LEPR: variants seen among roughly 807,000 people sequenced by gnomAD.
LEPR encodes leptin receptor, also known as OB receptor.
In LEPR, 56 loss-of-function variants were observed where a neutral mutation model predicts 114.7. The observed-to-expected ratio is 0.49, with a 90% CI of 0.39 to 0.61. The LOEUF is 0.61. LEPR is among the 20% of genes least tolerant of loss of function. The pLI is 0.00. For missense variants in LEPR, 1,202 were observed against 1,352.9 expected (o/e 0.89, Z 1.75); for synonymous variants, 443 against 461.4 (o/e 0.96, Z 0.51).
intron 2 of LEPR, among the ~76,000 whole-genome samples, chr1:65,546,700 G>A (rs1376204394): frequency 6.6e-6 from 1 of 152,216 alleles, no homozygotes; most frequent in Non-Finnish European, 1.5e-5. Context: ...AGCTTAAGGA[G>A]ATTTTGGGCT....
chr1:65,605,976 AT>A (rs1358932018), intron 11 of LEPR, among the ~76,000 whole-genome samples: 1 of 152,106 alleles, frequency 6.6e-6, no homozygotes, highest in African/African-American at 2.4e-5. Flanking sequence ...TTTTCAGTGA[AT>A]TTTCCCCTCA....
chr1:65,582,177 A>C (rs1240961228), intron 5 of LEPR, among the ~76,000 whole-genome samples: 1 of 152,194 alleles, frequency 6.6e-6, no homozygotes, highest in African/African-American at 2.4e-5. Context: ...AATTAACCCA[A>C]AACTTAGTGG....
chr1:65,497,332 A>G (rs1029209802), intron 2 of LEPR, among the ~76,000 whole-genome samples: 14 of 152,160 alleles, frequency 9.2e-5, no homozygotes, highest in African/African-American at 1.2e-4. Context: ...TTTGGTCTCA[A>G]CTGGGTTTCT....
At chr1:65,452,139 A>T (rs1355668194) in intron 2 of LEPR, among the ~76,000 whole-genome samples, 1 of 152,096 alleles carries the variant, frequency 6.6e-6, no homozygotes, top group Non-Finnish European at 1.5e-5. Context: ...GTATCCTGAG[A>T]CTTTGCTGAA....
At chr1:65,462,900 T>C (rs1230171095) in intron 2 of LEPR, among the ~76,000 whole-genome samples, 1 of 152,230 alleles carries the variant, frequency 6.6e-6, no homozygotes, top group Non-Finnish European at 1.5e-5. Flanking sequence ...TATTAGCCTT[T>C]TGTCAGATGG....
At chr1:65,631,094 C>T (rs1375676705) in intron 19 of LEPR, among the ~76,000 whole-genome samples, 1 of 152,024 alleles carries the variant, frequency 6.6e-6, no homozygotes, top group Admixed American at 6.6e-5. Context: ...GATTGTTGCC[C>T]TGGGTGAGTA....
At position 65,567,304 on chromosome 1, in the gene LEPR, T is replaced by A. The variant is rs568315860; in HGVS notation, c.40+1699T>A. 1.0e-3 allele frequency among the ~76,000 whole-genome samples: 159 copies of A among 152,316 alleles called. 1 individual carries two copies. The highest frequency in any genetic ancestry group is 3.7e-3 in the African/African-American group (155 of 41,576). On this transcript the variant is annotated intron_variant, in intron 3 of 19. Coordinates refer to ENST00000349533, the MANE Select transcript of LEPR (RefSeq NM_002303.6). ...ACTTCTGTGAGGATTTTAGGCTAAT[T>A]CATTTCAAGCAACTGAATCCTCTAT...
chr1:65,439,358 A>G (rs946993823), intron 2 of LEPR, among the ~76,000 whole-genome samples: 5 of 152,232 alleles, frequency 3.3e-5, no homozygotes, highest in African/African-American at 9.6e-5. Flanking sequence ...AATAGAATCA[A>G]TAATTCAGAA....
rs71721804 is a variant in LEPR at position 65,472,411 on chromosome 1, A to AACACACACACACACACACACACACAC, written c.-21+47042_-21+47067dup. Among the ~76,000 whole-genome samples, 76 of 133,292 alleles carry AACACACACACACACACACACACACAC rather than the reference A, an allele frequency of 5.7e-4. 1 individual carries two copies. The highest frequency in any genetic ancestry group is 2.1e-3 in the African/African-American group (74 of 34,610). The allele number at this position is 133,292 out of a possible 152,430, so 87.4% of individuals were successfully genotyped here. The stretch of plus-strand genomic sequence containing the variant: ...CTCTGGGTCATTTAGCTGTGGCTAA[A>AACACACACACACACACACACACACAC]ACACACACACACACACACACACACA... On this transcript the variant is annotated intron_variant, in intron 2 of 19. Transcript: ENST00000349533.
intron 2 of LEPR, among the ~76,000 whole-genome samples, chr1:65,490,929 A>T (rs1489111079): frequency 6.6e-6 from 1 of 152,126 alleles, no homozygotes; most frequent in East Asian, 1.9e-4. Context: ...AAGTGTAAAC[A>T]ACTTATCATG....
chr1:65,501,856 A>G (rs953027602), intron 2 of LEPR, among the ~76,000 whole-genome samples: 2 of 152,150 alleles, frequency 1.3e-5, no homozygotes, highest in African/African-American at 2.4e-5. Flanking sequence ...GAATGTGACT[A>G]TATTCCCTTA....
chr1:65,495,638 G>A (rs1648116005), intron 2 of LEPR, among the ~76,000 whole-genome samples: 1 of 152,088 alleles, frequency 6.6e-6, no homozygotes, highest in African/African-American at 2.4e-5. Context: ...GACAAGATAT[G>A]GAATCAACCT....
chr1:65,574,196 T>C (rs981129898), intron 5 of LEPR, among the ~76,000 whole-genome samples: 1 of 152,056 alleles, frequency 6.6e-6, no homozygotes, highest in Non-Finnish European at 1.5e-5. Context: ...GTTGAGTCAT[T>C]AGAGATAAAT....
intron 2 of LEPR, among the ~76,000 whole-genome samples, chr1:65,455,346 G>A (rs897819311): frequency 7.2e-5 from 11 of 152,200 alleles, no homozygotes; most frequent in African/African-American, 2.7e-4. Context: ...TCCTTTGGAG[G>A]AGGAGAGGTG....
intron 2 of LEPR, among the ~76,000 whole-genome samples, chr1:65,477,467 G>T (rs1244891745): frequency 1.3e-5 from 2 of 152,198 alleles, no homozygotes; most frequent in African/African-American, 4.8e-5. Context: ...CTTCAGAAAT[G>T]CTGTACTATT....
At chr1:65,504,083 C>T (rs557415729) in intron 2 of LEPR, among the ~76,000 whole-genome samples, 53 of 152,178 alleles carry the variant, frequency 3.5e-4, no homozygotes, top group South Asian at 2.1e-3. Context: ...TAATGGCCTA[C>T]GCTGGGACGA....
intron 2 of LEPR, among the ~76,000 whole-genome samples, chr1:65,465,056 C>A (rs979459280): frequency 3.3e-5 from 5 of 151,966 alleles, no homozygotes; most frequent in Non-Finnish European, 4.4e-5. Flanking sequence ...TTATTTCTTG[C>A]CTTCTGCTAG....
Position 65,421,269 on chromosome 1 carries a change from A to G in LEPR, c.-97+529A>G, listed in dbSNP as rs1052743989. The G allele has an allele frequency of 6.2e-6, 9 of 1,463,244 alleles. No homozygotes were observed. The African/African-American group carries it at 1.3e-4, about 21-fold the overall frequency. 90.6% of individuals were successfully genotyped at this position (1,463,244 alleles called of 1,614,324 possible). On this transcript the variant is annotated intron_variant, in intron 1 of 19. Coordinates refer to ENST00000349533, the MANE Select transcript of LEPR (RefSeq NM_002303.6). ...GACGGTGTTTCTCGCAGTCGTGGAG[A>G]GTAGATTACGTGTAATTTTAATACT...
intron 2 of LEPR, among the ~76,000 whole-genome samples, chr1:65,555,700 G>A (rs995390015): frequency 6.6e-6 from 1 of 152,090 alleles, no homozygotes; most frequent in African/African-American, 2.4e-5. Context: ...TTTGAAAAAT[G>A]TTTTCAAGCT....
Sources: gnomAD v4.1 joint callset for allele counts (sites outside exome capture counted in the v4.1 genomes callset) on GRCh38, gnomAD v4.1.1 for gene constraint, MANE v1.5 for transcripts, NCBI Gene and HGNC (gene_info 2026-07-23, HGNC 2026-07-21) for gene names.